The following CDH22 variants were observed in gnomAD, a reference collection of about 807,000 sequenced individuals.
CDH22 encodes the protein cadherin-22.
A neutral mutation model predicts 58.4 loss-of-function variants in CDH22; 30 were observed. The ratio of observed to expected loss-of-function variants is 0.51; its 90% CI spans 0.38 to 0.70. The LOEUF is 0.70. Ranked by LOEUF, CDH22 falls within the 30% of genes least tolerant of loss-of-function variation. The pLI, the probability that CDH22 is intolerant of heterozygous loss-of-function variation, is 0.00. For missense variants in CDH22, 1,014 were observed against 1,233.9 expected (o/e 0.82, Z 2.67); for synonymous variants, 513 against 558.2 (o/e 0.92, Z 1.14).
chr20:46,277,102 G>A (rs540619483), intron 1 of CDH22, among the ~76,000 whole-genome samples: 45 of 150,868 alleles, frequency 3.0e-4, no homozygotes, highest in Admixed American at 2.6e-3. Flanking sequence ...CAGCCTAGGC[G>A]ACATAGCGAG....
Position 46,186,574 on chromosome 20 carries a change from GT to G in CDH22, c.1663+13del. 6.3e-7 allele frequency: 1 copy of G among 1,575,476 alleles called. No homozygotes were observed. Among genetic ancestry groups the G allele is most frequent in the East Asian group, 2.2e-5 (1 of 44,706 alleles). On this transcript the variant is annotated intron_variant, in intron 10 of 11. Transcript: ENST00000537909. ...TGCCCCTCCCTTCTTGCATCCTAGGGTTTGGAGGCTCACCTTGGATGTCAAG... is the reference window on the plus strand; with the variant it reads ...TGCCCCTCCCTTCTTGCATCCTAGGGTTGGAGGCTCACCTTGGATGTCAAG...
At chr20:46,252,112 C>A (rs1273366261) in intron 1 of CDH22, among the ~76,000 whole-genome samples, 1 of 152,062 alleles carries the variant, frequency 6.6e-6, no homozygotes, top group African/African-American at 2.4e-5. Context: ...CCCCAAGACC[C>A]AGGCCTCCTT....
At chr20:46,284,227 TC>T (rs2086564836) in intron 1 of CDH22, among the ~76,000 whole-genome samples, 1 of 150,976 alleles carries the variant, frequency 6.6e-6, no homozygotes, top group South Asian at 2.1e-4. Context: ...TGTGCCAGAG[TC>T]CCTGGGCAGG....
chr20:46,230,823 T>C lies in CDH22; in HGVS notation c.551-3196A>G, dbSNP rs185045521. 1.3e-3 allele frequency among the ~76,000 whole-genome samples: 197 copies of C among 152,300 alleles called. 1 individual carries two copies. Among genetic ancestry groups the C allele is most frequent in the Non-Finnish European group, 2.0e-3 (139 of 68,020 alleles). Reference sequence around the variant, plus strand: ...ATACTACCAAACTCGTGGATCACTGTGAGAACTCAGATTTCTATGCTCAGC... The same window carrying C: ...ATACTACCAAACTCGTGGATCACTGCGAGAACTCAGATTTCTATGCTCAGC... On this transcript the variant is annotated intron_variant, in intron 3 of 11. Coordinates refer to ENST00000537909, the MANE Select transcript of CDH22 (RefSeq NM_021248.3).
intron 7 of CDH22, among the ~76,000 whole-genome samples, chr20:46,208,170 C>T (rs1432059479): frequency 6.6e-6 from 1 of 152,164 alleles, no homozygotes; most frequent in Non-Finnish European, 1.5e-5. Context: ...TCAGGGAGCC[C>T]CAGTGCCTCC....
At chr20:46,224,881 G>A (rs183439890) in intron 4 of CDH22, among the ~76,000 whole-genome samples, 3 of 152,326 alleles carry the variant, frequency 2.0e-5, no homozygotes, top group African/African-American at 4.8e-5. Flanking sequence ...GTAGGTTAAG[G>A]AGTCTGAGTG....
chr20:46,197,315 T>C (rs1015858543), intron 8 of CDH22, among the ~76,000 whole-genome samples: 4 of 147,694 alleles, frequency 2.7e-5, no homozygotes, highest in Admixed American at 1.4e-4. Flanking sequence ...TATATATATA[T>C]ATACATATGA....
At chr20:46,199,918 T>C (rs1012509496) in intron 7 of CDH22, among the ~76,000 whole-genome samples, 2 of 141,280 alleles carry the variant, frequency 1.4e-5, no homozygotes, top group Non-Finnish European at 3.0e-5. Context: ...CTTCTTTCTT[T>C]CTTTCTCTCT....
At chr20:46,260,418 G>A (rs1301819439) in intron 1 of CDH22, among the ~76,000 whole-genome samples, 1 of 152,184 alleles carries the variant, frequency 6.6e-6, no homozygotes, top group Non-Finnish European at 1.5e-5. Context: ...AACTCCCTCA[G>A]GCCTGTCTGG....
intron 4 of CDH22, among the ~76,000 whole-genome samples, chr20:46,223,667 T>C (rs1213816213): frequency 8.4e-5 from 3 of 35,746 alleles, no homozygotes; most frequent in South Asian, 2.5e-3. Flanking sequence ...TTTTCTTTCC[T>C]TCTTTCTTTC....
intron 5 of CDH22, among the ~76,000 whole-genome samples, chr20:46,214,457 C>A (rs979485508): frequency 6.6e-6 from 1 of 152,176 alleles, no homozygotes; most frequent in Non-Finnish European, 1.5e-5. Flanking sequence ...GAACATGCCA[C>A]TCCCCTGCTT....
chr20:46,197,619 A>T (rs2085916332), intron 8 of CDH22, among the ~76,000 whole-genome samples: 3 of 152,182 alleles, frequency 2.0e-5, no homozygotes, highest in Admixed American at 2.0e-4. Flanking sequence ...CTCAGTTGCT[A>T]CCCAGGGAAC....
intron 1 of CDH22, among the ~76,000 whole-genome samples, chr20:46,264,939 T>A (rs899315375): frequency 5.9e-5 from 9 of 151,626 alleles, no homozygotes; most frequent in Admixed American, 4.6e-4. Flanking sequence ...ACATGCAGAC[T>A]CCTTGGCTAG....
At chr20:46,217,019 G>A (rs1318087652) in intron 4 of CDH22, 26 bp from the exon 5 acceptor site, 3 of 1,572,902 alleles carry the variant, frequency 1.9e-6, no homozygotes, top group Non-Finnish European at 2.6e-6. Context: ...GGTGAGGCCA[G>A]GGCACCCCAC....
chr20:46,210,174 G>T lies in CDH22; in HGVS notation c.1286+133C>A, dbSNP rs1166199405. 21 of 941,414 alleles carry T rather than the reference G, an allele frequency of 2.2e-5. No homozygotes were observed. In the East Asian group the frequency reaches 5.0e-4, roughly 22 times the overall value. 58.3% of individuals were successfully genotyped at this position (941,414 alleles called of 1,614,324 possible). On this transcript the variant is annotated intron_variant, in intron 7 of 11. Coordinates refer to ENST00000537909, the MANE Select transcript of CDH22 (RefSeq NM_021248.3). This position sits in a 1 kb window ranked among gnomAD's most constrained non-coding sequence, Gnocchi z 4.5. The stretch of plus-strand genomic sequence containing the variant: ...TCTCCACCCGTGCGCCTCTCTCCGC[G>T]CCTCCCTCCCCCACGCAGCCCCTTC...
chr20:46,216,997 T>C lies in CDH22; in HGVS notation c.671-4A>G, dbSNP rs761202819. On this transcript the variant is annotated splice_region_variant and splice_polypyrimidine_tract_variant and intron_variant, in intron 4 of 11. Coordinates refer to ENST00000537909, the MANE Select transcript of CDH22 (RefSeq NM_021248.3). This position sits in a 1 kb window ranked among gnomAD's most constrained non-coding sequence, Gnocchi z 5.3. ...GGCACAGCCGTCCGGATTACGCCTG[T>C]GGGTGAGTGAGGGTGAGGCCAGGGC... 13 of 1,584,818 alleles carry C rather than the reference T, an allele frequency of 8.2e-6. No homozygotes were observed. The Admixed American group carries it at 1.5e-4, about 18-fold the overall frequency.
At chr20:46,228,933 CCAGA>C (rs2086199965) in intron 3 of CDH22, among the ~76,000 whole-genome samples, 1 of 152,250 alleles carries the variant, frequency 6.6e-6, no homozygotes, top group African/African-American at 2.4e-5. Context: ...CTCGATCATT[CCAGA>C]CAGACACATG....
chr20:46,305,187 C>T (rs1345487266), intron 1 of CDH22, among the ~76,000 whole-genome samples: 1 of 152,238 alleles, frequency 6.6e-6, no homozygotes. Flanking sequence ...GGCCTTGTCT[C>T]CTCCATGGGC....
intron 5 of CDH22, among the ~76,000 whole-genome samples, chr20:46,213,647 T>C (rs1021322115): frequency 1.3e-5 from 2 of 152,218 alleles, no homozygotes; most frequent in Non-Finnish European, 2.9e-5. Flanking sequence ...GTAACATGCT[T>C]AGTACAGTGC....
Sources: allele counts gnomAD v4.1 joint callset (sites outside exome capture counted in the v4.1 genomes callset), GRCh38; gene constraint gnomAD v4.1.1; non-coding constraint Gnocchi (gnomAD v3.1); transcripts MANE v1.5; gene names NCBI Gene and HGNC (gene_info 2026-07-23, HGNC 2026-07-21).